The following CHSY3 variants were observed in gnomAD, a reference collection of about 807,000 sequenced individuals.
The protein encoded by CHSY3 is chondroitin sulfate synthase 3.
Under a neutral mutation model 67.2 loss-of-function variants are expected in CHSY3, and 35 were observed. The ratio of observed to expected loss-of-function variants is 0.52; its 90% CI spans 0.40 to 0.69. The LOEUF (loss-of-function observed/expected upper bound fraction) is 0.69. Ranked by LOEUF, CHSY3 falls within the 30% of genes least tolerant of loss-of-function variation. The pLI, the probability that CHSY3 is intolerant of heterozygous loss-of-function variation, is 0.00. For missense variants in CHSY3, 1,069 were observed against 1,138.5 expected, an observed-to-expected ratio of 0.94 and a Z score of 0.88; for synonymous variants, 474 against 434.7, an observed-to-expected ratio of 1.09 and a Z score of -1.12.
At chr5:130,073,904 AACC>A (rs1766170176) in intron 2 of CHSY3, among the ~76,000 whole-genome samples, 2 of 152,182 alleles carry the variant, frequency 1.3e-5, no homozygotes, top group African/African-American at 4.8e-5. Context: ...TTGAAGTGAC[AACC>A]ACAAGTTCAT....
chr5:129,929,467 GACATGGGCACACACATC>G lies in CHSY3; in HGVS notation c.1086+21111_1086+21127del, dbSNP rs531234161. On this transcript the variant is annotated intron_variant, in intron 2 of 2. Coordinates refer to ENST00000305031, the MANE Select transcript of CHSY3 (RefSeq NM_175856.5). ...CTATTTAGGAACAAAGTGCACATGG[GACATGGGCACACACATC>G]ACACTAGAATTTCACTTGATGGGCT... Among the ~76,000 whole-genome samples, 72 of 152,242 alleles carry G rather than the reference GACATGGGCACACACATC, an allele frequency of 4.7e-4. 2 individuals are homozygous for G. In the East Asian group the frequency reaches 0.014, roughly 29 times the overall value.
At chr5:129,988,704 T>A (rs1156330968) in intron 2 of CHSY3, among the ~76,000 whole-genome samples, 1 of 152,218 alleles carries the variant, frequency 6.6e-6, no homozygotes, top group Non-Finnish European at 1.5e-5. Context: ...ATTAGATCAT[T>A]GGGCTAATCA....
intron 2 of CHSY3, among the ~76,000 whole-genome samples, chr5:130,006,817 A>G (rs1763891072): frequency 6.6e-6 from 1 of 152,212 alleles, no homozygotes; most frequent in Admixed American, 6.5e-5. Context: ...AAATTTATCT[A>G]ATCCCATATA....
intron 2 of CHSY3, among the ~76,000 whole-genome samples, chr5:129,998,713 C>T (rs1412018494): frequency 1.3e-5 from 2 of 151,918 alleles, no homozygotes; most frequent in African/African-American, 4.8e-5. Flanking sequence ...AAGTAAAAGG[C>T]TTAAGATCTT....
chr5:130,158,001 G>GTGT (rs1186352902), intron 2 of CHSY3, among the ~76,000 whole-genome samples: 1 of 152,202 alleles, frequency 6.6e-6, no homozygotes, highest in Non-Finnish European at 1.5e-5. Context: ...CTTTTAGCAT[G>GTGT]CTATTGCATT....
chr5:130,068,389 G>A (rs1479728624), intron 2 of CHSY3, among the ~76,000 whole-genome samples: 1 of 152,088 alleles, frequency 6.6e-6, no homozygotes, highest in African/African-American at 2.4e-5. Flanking sequence ...CTCACAGGGT[G>A]GGCTGTCTTC....
At position 129,905,323 on chromosome 5, in the gene CHSY3, C is replaced by T; in HGVS notation, c.494C>T (p.Pro165Leu). 2 of 1,525,250 alleles carry T rather than the reference C, an allele frequency of 1.3e-6. No homozygotes were observed. Among genetic ancestry groups the T allele is most frequent in the Non-Finnish European group, 1.8e-6 (2 of 1,140,184 alleles). The allele number at this position is 1,525,250 out of a possible 1,614,324, so 94.5% of individuals were successfully genotyped here. The change falls in exon 1 of 3, where the codon CCG becomes CTG. Residue 165 changes from proline to leucine, a missense_variant. Pro to Leu is a moderately conservative substitution (Grantham distance 98). Transcript: ENST00000305031. ...NGSGDGGAAA[P>L]SARPRDFLYV... ...AGCGGGGACGGGGGCGCTGCCGCCC[C>T]GAGCGCCCGACCCCGGGACTTCCTG...
intron 2 of CHSY3, among the ~76,000 whole-genome samples, chr5:130,056,306 CG>C (rs1439371888): frequency 9.3e-5 from 14 of 150,900 alleles, no homozygotes; most frequent in African/African-American, 3.2e-4. Flanking sequence ...CTGACAGCTT[CG>C]TGTTCACTTT....
intron 2 of CHSY3, 32 bp downstream of exon 2, chr5:129,908,392 A>G (rs754528323): frequency 5.6e-6 from 9 of 1,608,632 alleles, no homozygotes; most frequent in East Asian, 4.5e-5. Context: ...AAATGTTCAC[A>G]TAGTACATAT....
intron 2 of CHSY3, among the ~76,000 whole-genome samples, chr5:130,172,317 TTTC>T (rs1561569356): frequency 9.4e-5 from 1 of 10,668 alleles, no homozygotes; most frequent in Non-Finnish European, 1.8e-4. Flanking sequence ...TTTCTTTTCT[TTTC>T]TTTTCTTTTT....
At position 130,184,550 on chromosome 5, in the gene CHSY3, A is replaced by T; in HGVS notation, c.1408A>T (p.Thr470Ser). The T allele has an allele frequency of 6.2e-7, 1 of 1,611,756 alleles. No individual in the cohort carries two copies. The highest frequency in any genetic ancestry group is 8.5e-7 in the Non-Finnish European group (1 of 1,177,844). ...TGAAGTGATAGAATGGGAGTTCCTG[A>T]CAGGGAAGCTTCTATACTCAGCAGC... is the stretch of plus-strand genomic sequence containing the variant. The part of the protein sequence containing the change: ...RNEVIEWEFL[T>S]GKLLYSAAEN... The change falls in exon 3 of 3, where the codon ACA becomes TCA. Residue 470 changes from threonine (T) to serine (S), a missense_variant. Thr to Ser is a moderately conservative substitution (Grantham distance 58). Transcript: ENST00000305031.
At chr5:129,990,037 A>G (rs1334024416) in intron 2 of CHSY3, among the ~76,000 whole-genome samples, 1 of 152,176 alleles carries the variant, frequency 6.6e-6, no homozygotes, top group Admixed American at 6.5e-5. Context: ...ATATTGCTTA[A>G]TAGATAATCA....
chr5:130,183,503 G>T (rs977879723), intron 2 of CHSY3, among the ~76,000 whole-genome samples: 1 of 152,084 alleles, frequency 6.6e-6, no homozygotes, highest in African/African-American at 2.4e-5. Context: ...CAGGTCATTG[G>T]TTTTCCTCCT....
At chr5:130,057,678 T>C (rs1765578880) in intron 2 of CHSY3, among the ~76,000 whole-genome samples, 1 of 152,218 alleles carries the variant, frequency 6.6e-6, no homozygotes, top group Non-Finnish European at 1.5e-5. Context: ...GGACTAATGA[T>C]GGACTCATCT....
chr5:129,948,898 T>G (rs1761943590), intron 2 of CHSY3, among the ~76,000 whole-genome samples: 1 of 152,206 alleles, frequency 6.6e-6, no homozygotes, highest in African/African-American at 2.4e-5. Context: ...TTGAATCAAC[T>G]GGTAAATCTA....
intron 2 of CHSY3, among the ~76,000 whole-genome samples, chr5:129,948,703 G>C (rs913756929): frequency 1.3e-5 from 2 of 152,166 alleles, no homozygotes; most frequent in African/African-American, 4.8e-5. Context: ...TGGATACCCA[G>C]TAGTGGGATT....
chr5:129,951,305 A>G (rs992367016), intron 2 of CHSY3, among the ~76,000 whole-genome samples: 11 of 152,342 alleles, frequency 7.2e-5, no homozygotes, highest in African/African-American at 2.6e-4. Flanking sequence ...AAGAAAACAG[A>G]GAAGAAAAGC....
At chr5:130,170,001 G>C (rs1769855886) in intron 2 of CHSY3, among the ~76,000 whole-genome samples, 2 of 151,876 alleles carry the variant, frequency 1.3e-5, no homozygotes, top group African/African-American at 4.8e-5. Flanking sequence ...TTTTATTTTA[G>C]ATTCAAGAGG....
intron 2 of CHSY3, among the ~76,000 whole-genome samples, chr5:130,089,742 T>C (rs1766812892): frequency 6.6e-6 from 1 of 152,186 alleles, no homozygotes; most frequent in Non-Finnish European, 1.5e-5. Flanking sequence ...TTTTGTTGTA[T>C]GTGTATAATA....
Sources: allele counts gnomAD v4.1 joint callset (sites outside exome capture counted in the v4.1 genomes callset), GRCh38; gene constraint gnomAD v4.1.1; transcripts MANE v1.5; gene names NCBI Gene and HGNC (gene_info 2026-07-23, HGNC 2026-07-21).